LARP1B: variants seen among roughly 807,000 people sequenced by gnomAD.
LARP1B encodes la-related protein 1B.
In LARP1B, 76 loss-of-function variants were observed where a neutral mutation model predicts 114.2. That is an observed-to-expected ratio of 0.67 (90% CI 0.55 to 0.81). The LOEUF is 0.81. LARP1B is among the 30% of genes least tolerant of loss of function. The probability of loss-of-function intolerance (pLI) is 0.00; values close to 1 mark genes in which losing one functional copy is unlikely to be tolerated. For synonymous variants in LARP1B, 345 were observed against 348.0 expected (o/e 0.99, Z 0.10); for missense variants, 1,014 against 1,075.8 (o/e 0.94, Z 0.80).
intron 11 of LARP1B, chr4:128,155,399 ACTTCAGGGAACCCGGCCCGAG>A (rs941054645): frequency 1.6e-6 from 1 of 615,464 alleles, no homozygotes; most frequent in African/African-American, 1.8e-5. Flanking sequence ...ATGTTCTGAG[ACTTCAGGGAACCCGGCCCGAG>A]CTCCGGGAAT....
At chr4:128,125,711 A>G (rs756214987) in intron 11 of LARP1B, among the ~76,000 whole-genome samples, 1 of 152,222 alleles carries the variant, frequency 6.6e-6, no homozygotes, top group Admixed American at 6.5e-5. Context: ...ACGTCAATGC[A>G]TTCCAGCCTT....
Position 128,210,245 on chromosome 4 carries a change from A to G in LARP1B, c.*192A>G. On this transcript the variant is annotated 3_prime_UTR_variant, in exon 20 of 20. Transcript: ENST00000326639. ...GTGGTAGCATTTTTTCTAACAAGATAAATTCTAAAAATGTTTTCCCTGATT... is the reference window on the plus strand; with the variant it reads ...GTGGTAGCATTTTTTCTAACAAGATGAATTCTAAAAATGTTTTCCCTGATT... 7.1e-7 allele frequency: 1 copy of G among 1,403,318 alleles called. No individual in the cohort carries two copies. Among genetic ancestry groups the G allele is most frequent in the Non-Finnish European group, 9.2e-7 (1 of 1,083,288 alleles). The allele number at this position is 1,403,318 out of a possible 1,614,324, so 86.9% of individuals were successfully genotyped here. A position where few individuals can be genotyped will look rare whatever the true frequency, so the allele number is the denominator to read the frequency against.
At chr4:128,117,603 C>A (rs968938538) in intron 10 of LARP1B, among the ~76,000 whole-genome samples, 1 of 151,990 alleles carries the variant, frequency 6.6e-6, no homozygotes, top group African/African-American at 2.4e-5. Flanking sequence ...AGGCTGTTCT[C>A]GAACTCCTGA....
At chr4:128,158,006 C>T (rs141651643) in intron 11 of LARP1B, among the ~76,000 whole-genome samples, 63 of 152,120 alleles carry the variant, frequency 4.1e-4, no homozygotes, top group African/African-American at 1.4e-3. Flanking sequence ...AACACAACAA[C>T]GCTGGTGTAA....
chr4:128,068,024 G>A (rs1191287972), intron 1 of LARP1B, among the ~76,000 whole-genome samples: 4 of 152,226 alleles, frequency 2.6e-5, no homozygotes, highest in East Asian at 3.9e-4. Context: ...GGGACTACAG[G>A]CGCCCGCCAC....
chr4:128,079,092 C>CT (rs75874776), intron 4 of LARP1B, among the ~76,000 whole-genome samples: 32,118 of 141,216 alleles, frequency 0.23, 3,919 homozygotes, highest in Middle Eastern at 0.31. Context: ...AATAGTTTGT[C>CT]TTTTTTTTTT....
chr4:128,150,130 G>A (rs1443836223), intron 11 of LARP1B, among the ~76,000 whole-genome samples: 3 of 151,432 alleles, frequency 2.0e-5, no homozygotes, highest in Non-Finnish European at 3.0e-5. Flanking sequence ...CAGCCTGGGC[G>A]ACAGACCAAG....
chr4:128,061,870 T>G (rs2149232963), intron 1 of LARP1B: 2 of 985,138 alleles, frequency 2.0e-6, no homozygotes, highest in Non-Finnish European at 2.4e-6. Context: ...CCACTAGCGC[T>G]GGGGCGCGGG....
intron 8 of LARP1B, among the ~76,000 whole-genome samples, chr4:128,101,283 G>A (rs1433483217): frequency 6.6e-6 from 1 of 151,480 alleles, no homozygotes; most frequent in Non-Finnish European, 1.5e-5. Flanking sequence ...ACACCAGCTT[G>A]GTCAACATGG....
chr4:128,203,100 G>A (rs1333891486), intron 17 of LARP1B, among the ~76,000 whole-genome samples: 1 of 152,106 alleles, frequency 6.6e-6, no homozygotes, highest in African/African-American at 2.4e-5. Flanking sequence ...GCTGAAACAT[G>A]AGAACTGCTT....
intron 4 of LARP1B, among the ~76,000 whole-genome samples, chr4:128,078,451 A>T (rs1296826670): frequency 6.6e-6 from 1 of 152,114 alleles, no homozygotes; most frequent in Non-Finnish European, 1.5e-5. Flanking sequence ...ACACAAAAAA[A>T]TTAGCCGAAC....
At chr4:128,065,228 ACT>A (rs1761929451) in intron 1 of LARP1B, among the ~76,000 whole-genome samples, 1 of 139,986 alleles carries the variant, frequency 7.1e-6, no homozygotes, top group Non-Finnish European at 1.6e-5. Flanking sequence ...CCCAACACTG[ACT>A]CTGCACTGTT....
chr4:128,086,354 G>A (rs1468597367), intron 5 of LARP1B, among the ~76,000 whole-genome samples: 1 of 151,848 alleles, frequency 6.6e-6, no homozygotes, highest in Admixed American at 6.6e-5. Context: ...TTTTGAGACA[G>A]GGTCTCACTC....
chr4:128,210,683 A>G lies in LARP1B; in HGVS notation c.*630A>G. ...GATTGTAGTTACAATGAGTATATGC[A>G]CTTTTGATGCTAGGTTTTGCTTTTC... is the stretch of plus-strand genomic sequence containing the variant. On this transcript the variant is annotated 3_prime_UTR_variant, in exon 20 of 20. Coordinates refer to ENST00000326639, the MANE Select transcript of LARP1B (RefSeq NM_018078.4). The G allele has an allele frequency of 1.0e-6, 1 of 982,862 alleles. No homozygotes were observed. Among genetic ancestry groups the G allele is most frequent in the Non-Finnish European group, 1.2e-6 (1 of 827,600 alleles). 60.9% of individuals were successfully genotyped at this position (982,862 alleles called of 1,614,324 possible).
chr4:128,188,206 C>T (rs571444596), intron 15 of LARP1B, among the ~76,000 whole-genome samples: 2 of 152,110 alleles, frequency 1.3e-5, no homozygotes, highest in African/African-American at 4.8e-5. Context: ...TCCTGAGTAG[C>T]TGGGATTACA....
chr4:128,073,179 C>G (rs1766040331), intron 1 of LARP1B, among the ~76,000 whole-genome samples: 1 of 151,744 alleles, frequency 6.6e-6, no homozygotes, highest in Non-Finnish European at 1.5e-5. Context: ...TTTGGGAGGC[C>G]GAGGTGGGCG....
chr4:128,182,945 C>T lies in LARP1B; in HGVS notation c.2003+3433C>T, dbSNP rs557402557. Among the ~76,000 whole-genome samples, 14 of 152,292 alleles carry T rather than the reference C, an allele frequency of 9.2e-5. No homozygotes were observed. The East Asian group carries it at 2.7e-3, about 29-fold the overall frequency. ...AGCCAAAGCATAATCCAGAGCAAGG[C>T]CCTGACTCTCTTCAATTCTCTGAAG... On this transcript the variant is annotated intron_variant, in intron 15 of 19. Transcript: ENST00000326639.
intron 7 of LARP1B, among the ~76,000 whole-genome samples, chr4:128,094,000 C>T (rs1182900539): frequency 6.6e-6 from 1 of 151,792 alleles, no homozygotes; most frequent in Non-Finnish European, 1.5e-5. Context: ...CGTGAACCAC[C>T]GTGCCTGACC....
chr4:128,135,864 ATTTAACACTACT>A (rs1793197031), intron 11 of LARP1B, among the ~76,000 whole-genome samples: 2 of 152,202 alleles, frequency 1.3e-5, no homozygotes, highest in Non-Finnish European at 2.9e-5. Flanking sequence ...GTGTGAATAT[ATTTAACACTACT>A]GAATTGCACA....
Sources: gnomAD v4.1 joint callset for allele counts (sites outside exome capture counted in the v4.1 genomes callset) on GRCh38, gnomAD v4.1.1 for gene constraint, MANE v1.5 for transcripts, NCBI Gene and HGNC (gene_info 2026-07-23, HGNC 2026-07-21) for gene names.